The following SLC22A15 variants were observed in gnomAD, a reference collection of about 807,000 sequenced individuals.
SLC22A15 encodes flipt 1.
A neutral mutation model predicts 62.7 loss-of-function variants in SLC22A15; 45 were observed. The observed-to-expected ratio is 0.72, with a 90% CI of 0.56 to 0.92. SLC22A15 has a LOEUF of 0.92. Among genes scored for constraint, SLC22A15 ranks in the 40% least tolerant of loss-of-function variants. The pLI is 0.00. For synonymous variants in SLC22A15, 264 were observed against 267.0 expected (o/e 0.99, Z 0.11); for missense variants, 622 against 665.6 (o/e 0.93, Z 0.72).
At chr1:115,978,887 G>T (rs1426908451) in intron 1 of SLC22A15, among the ~76,000 whole-genome samples, 2 of 152,166 alleles carry the variant, frequency 1.3e-5, no homozygotes, top group African/African-American at 2.4e-5. Context: ...ATGAAAGGGG[G>T]TTTTTCTGCT....
At chr1:116,020,975 A>G (rs1001531739) in intron 4 of SLC22A15, 90 bp downstream of exon 4, 15 of 1,215,676 alleles carry the variant, frequency 1.2e-5, no homozygotes, top group Non-Finnish European at 1.6e-5. Flanking sequence ...CTGGAAATGC[A>G]TTTGGACTTG....
At chr1:116,038,573 T>A (rs1159471379) in intron 8 of SLC22A15, among the ~76,000 whole-genome samples, 1 of 152,204 alleles carries the variant, frequency 6.6e-6, no homozygotes, top group African/African-American at 2.4e-5. Context: ...TTGAATAAAT[T>A]TGCCCATTTT....
chr1:116,029,787 G>A (rs1234884124), intron 5 of SLC22A15, among the ~76,000 whole-genome samples: 1 of 152,136 alleles, frequency 6.6e-6, no homozygotes, highest in Non-Finnish European at 1.5e-5. Flanking sequence ...AAGGGTAGGA[G>A]AAAATGACAT....
rs112020695 is a variant in SLC22A15 at position 116,029,894 on chromosome 1, A to G, written c.729-1472A>G. On this transcript the variant is annotated intron_variant, in intron 5 of 11. Transcript: ENST00000369503. ...TCCCCAAAATAATTTTTATTATCAT[A>G]TATTTTCTCTCAATATTTATCACAG... Among the ~76,000 whole-genome samples, 763 of 152,266 alleles carry G rather than the reference A, an allele frequency of 5.0e-3. 9 individuals carry two copies. The highest frequency in any genetic ancestry group is 0.018 in the African/African-American group (733 of 41,554).
intron 1 of SLC22A15, among the ~76,000 whole-genome samples, chr1:115,987,364 C>T (rs1033552931): frequency 6.6e-6 from 1 of 152,032 alleles, no homozygotes; most frequent in African/African-American, 2.4e-5. Context: ...TGGGGTTTCT[C>T]TGTGTTAGCC....
At chr1:116,049,332 T>C (rs1270508211) in intron 8 of SLC22A15, among the ~76,000 whole-genome samples, 2 of 152,138 alleles carry the variant, frequency 1.3e-5, no homozygotes, top group Non-Finnish European at 2.9e-5. Flanking sequence ...TTCTCCAAGA[T>C]AGACTATATG....
chr1:116,006,670 C>T (rs1434800160), intron 2 of SLC22A15, among the ~76,000 whole-genome samples: 1 of 151,896 alleles, frequency 6.6e-6, no homozygotes. Context: ...TCCCTCCTTT[C>T]CTTCTCTTCT....
intron 4 of SLC22A15, among the ~76,000 whole-genome samples, chr1:116,025,827 A>G (rs945860958): frequency 7.2e-5 from 11 of 152,216 alleles, no homozygotes; most frequent in African/African-American, 2.7e-4. Context: ...ACTACCACTA[A>G]TAGCAGTAGT....
rs543515684 is a variant in SLC22A15 at position 115,983,799 on chromosome 1, C to T, written c.87+7085C>T. ...GAGTGGTTGCAGCCTCGTGACTGTGCCACGCCAATGAGGTGGACCAGCACA... is the reference window on the plus strand; with the variant it reads ...GAGTGGTTGCAGCCTCGTGACTGTGTCACGCCAATGAGGTGGACCAGCACA... On this transcript the variant is annotated intron_variant, in intron 1 of 11. Coordinates refer to ENST00000369503, the MANE Select transcript of SLC22A15 (RefSeq NM_018420.3). Among the ~76,000 whole-genome samples, 13 of 152,278 alleles carry T rather than the reference C, an allele frequency of 8.5e-5. No individual in the cohort carries two copies. The East Asian group carries it at 2.5e-3, about 29-fold the overall frequency.
chr1:116,018,504 A>G (rs1435273778), intron 2 of SLC22A15, among the ~76,000 whole-genome samples: 2 of 152,192 alleles, frequency 1.3e-5, no homozygotes, highest in Admixed American at 1.3e-4. Context: ...AGCTGGGACT[A>G]CAGGCGTCCA....
chr1:116,052,447 G>A (rs1658086523), intron 8 of SLC22A15, among the ~76,000 whole-genome samples: 1 of 152,252 alleles, frequency 6.6e-6, no homozygotes, highest in Non-Finnish European at 1.5e-5. Flanking sequence ...GCCTCCTTCT[G>A]TAGGCTCCAC....
At chr1:116,018,509 C>CACCT (rs1417886896) in intron 2 of SLC22A15, among the ~76,000 whole-genome samples, 2 of 152,114 alleles carry the variant, frequency 1.3e-5, no homozygotes, top group Non-Finnish European at 2.9e-5. Context: ...GGACTACAGG[C>CACCT]GTCCACCACC....
In SLC22A15 at chr1:116,054,911, A is replaced by G. The variant is rs562850616; in HGVS notation, c.1172-7851A>G. Among the ~76,000 whole-genome samples, 3 of 152,160 alleles carry G rather than the reference A, an allele frequency of 2.0e-5. No individual in the cohort carries two copies. The East Asian group carries it at 5.8e-4, about 29-fold the overall frequency. ...CTGGGACACATTCAAAATAGTGTGTAGAGGGAAATTTATAGCACTAAATGC... is the reference window on the plus strand; with the variant it reads ...CTGGGACACATTCAAAATAGTGTGTGGAGGGAAATTTATAGCACTAAATGC... On this transcript the variant is annotated intron_variant, in intron 8 of 11. Coordinates refer to ENST00000369503, the MANE Select transcript of SLC22A15 (RefSeq NM_018420.3).
intron 9 of SLC22A15, 144 bp from the exon 10 acceptor site, chr1:116,064,292 A>G (rs1658446831): frequency 3.2e-6 from 2 of 620,824 alleles, no homozygotes; most frequent in Admixed American, 5.7e-5. Context: ...AGGAACATCT[A>G]GTAGGCAGCT....
intron 8 of SLC22A15, among the ~76,000 whole-genome samples, chr1:116,054,857 G>A (rs891806207): frequency 1.9e-4 from 29 of 151,918 alleles, no homozygotes; most frequent in Non-Finnish European, 3.8e-4. Context: ...TGAAACCAAC[G>A]AGAACAAAGA....
At chr1:116,038,987 T>C (rs1225106675) in intron 8 of SLC22A15, among the ~76,000 whole-genome samples, 1 of 152,168 alleles carries the variant, frequency 6.6e-6, no homozygotes, top group African/African-American at 2.4e-5. Flanking sequence ...CTTGAAATGA[T>C]CTCTCCTTAT....
chr1:116,035,428 T>C, intron 7 of SLC22A15, 101 bp downstream of exon 7: 3 of 1,015,432 alleles, frequency 3.0e-6, no homozygotes, highest in Non-Finnish European at 4.1e-6. Flanking sequence ...TGTCTTTGTA[T>C]GCAGTATCAG....
chr1:115,979,356 G>C (rs569171049), intron 1 of SLC22A15, among the ~76,000 whole-genome samples: 1 of 152,164 alleles, frequency 6.6e-6, no homozygotes, highest in African/African-American at 2.4e-5. Flanking sequence ...TCAACTTTGA[G>C]ATAACTAAAG....
intron 1 of SLC22A15, 39 bp downstream of exon 1, chr1:115,976,753 A>G: frequency 6.7e-7 from 1 of 1,497,314 alleles, no homozygotes; most frequent in Non-Finnish European, 9.1e-7. Flanking sequence ...TTCCCTCTTC[A>G]GGGCCGCCCG....
Sources: allele counts gnomAD v4.1 joint callset (sites outside exome capture counted in the v4.1 genomes callset), GRCh38; gene constraint gnomAD v4.1.1; transcripts MANE v1.5; gene names NCBI Gene and HGNC (gene_info 2026-07-23, HGNC 2026-07-21).